NEFH: variants seen among roughly 807,000 people sequenced by gnomAD.
NEFH encodes neurofilament heavy polypeptide.
In NEFH, 58 loss-of-function variants were observed where a neutral mutation model predicts 56.6. That is an observed-to-expected ratio of 1.03 (90% confidence interval 0.83 to 1.28). NEFH has a LOEUF of 1.28. Ranked by LOEUF, NEFH falls within the 50% of genes most tolerant of loss-of-function variation. NEFH has a pLI of 0.00. For missense variants in NEFH, 1,221 were observed against 1,307.6 expected (o/e 0.93, Z 1.02); for synonymous variants, 542 against 545.8 (o/e 0.99, Z 0.10).
rs758456135 is a variant in NEFH at position 29,485,828 on chromosome 22, A to G, written c.1189A>G (p.Ile397Val). ...DLLNVKMALD[I>V]EIAAYRKLLE... is the part of the protein sequence containing the mutation. ...GCTCAATGTCAAGATGGCTCTGGAT[A>G]TAGAGATAGCCGCTTACAGGTGAGA... Residue 397 changes from isoleucine to valine, a missense_variant, in exon 3 of 4, where the codon ATA becomes GTA. This residue lies in a region of NEFH where 243 missense variants were observed against 299.1 expected (regional missense o/e 0.81). Transcript: ENST00000310624. 2 of 1,614,212 alleles carry G rather than the reference A, an allele frequency of 1.2e-6. No individual in the cohort carries two copies. Among genetic ancestry groups the G allele is most frequent in the Non-Finnish European group, 1.7e-6 (2 of 1,180,010 alleles).
Position 29,481,129 on chromosome 22 carries a change from C to A in NEFH, c.867C>A (p.Ser289=). 6.5e-7 allele frequency: 1 copy of A among 1,529,660 alleles called. No individual in the cohort carries two copies. The highest frequency in any genetic ancestry group is 8.7e-7 in the Non-Finnish European group (1 of 1,144,948). The allele number at this position is 1,529,660 out of a possible 1,614,324, so 94.8% of individuals were successfully genotyped here. A position where few individuals can be genotyped will look rare whatever the true frequency, so the allele number is the denominator to read the frequency against. Reference sequence around the variant, plus strand: ...ACGCGGTGCAGAGCACGCTGCAGTCCGAGGAGTGGTTCCGAGGTACGCAGG... The same window carrying A: ...ACGCGGTGCAGAGCACGCTGCAGTCAGAGGAGTGGTTCCGAGGTACGCAGG... ...EGHAVQSTLQ[S]EEWFRVRLDR... is the part of the protein sequence containing the mutation. Residue 289 remains serine (S), a synonymous_variant, in exon 1 of 4, where the codon TCC becomes TCA. Coordinates refer to ENST00000310624, the MANE Select transcript of NEFH (RefSeq NM_021076.4).
At chr22:29,486,926 G>C (rs1486110150) in intron 3 of NEFH, among the ~76,000 whole-genome samples, 1 of 152,186 alleles carries the variant, frequency 6.6e-6, no homozygotes, top group Non-Finnish European at 1.5e-5. Flanking sequence ...GCTTTGAAGG[G>C]AAAAGAGGTG....
At chr22:29,484,121 A>T (rs1363948549) in intron 2 of NEFH, among the ~76,000 whole-genome samples, 1 of 152,070 alleles carries the variant, frequency 6.6e-6, no homozygotes, top group Admixed American at 6.6e-5. Flanking sequence ...AAGTGCTGGG[A>T]TTACAGGTGT....
Position 29,490,192 on chromosome 22 carries a change from C to T in NEFH, c.2552C>T (p.Pro851Leu), listed in dbSNP as rs778525090. The T allele has an allele frequency of 6.2e-7, 1 of 1,611,442 alleles. No individual in the cohort carries two copies. The highest frequency in any genetic ancestry group is 8.5e-7 in the Non-Finnish European group (1 of 1,178,820). Reference protein sequence around the residue: ...KAEEEKAPATPKTEEKKDSKK... With the variant: ...KAEEEKAPATLKTEEKKDSKK... The stretch of plus-strand genomic sequence containing the variant: ...GAGGAAGAGAAAGCCCCTGCCACAC[C>T]AAAAACAGAGGAGAAGAAGGACAGC... Residue 851 changes from proline to leucine, a missense_variant, in exon 4 of 4, where the codon CCA becomes CTA. Around this residue, in one of 4 missense-constraint regions of NEFH, gnomAD observed 301 missense variants for 346.6 expected, o/e 0.87. Coordinates refer to ENST00000310624, the MANE Select transcript of NEFH (RefSeq NM_021076.4).
chr22:29,480,373 G>C lies in NEFH; in HGVS notation c.111G>C (p.Thr37=). The C allele has an allele frequency of 6.5e-7, 1 of 1,536,292 alleles. No homozygotes were observed. The highest frequency in any genetic ancestry group is 8.7e-7 in the Non-Finnish European group (1 of 1,148,446). The part of the protein sequence containing the change: ...ALARKGGAGG[T]RSAAGSSSGF... ...CCCGAAAGGGTGGCGCAGGCGGGAC[G>C]CGCTCCGCCGCTGGCTCCTCCAGCG... The change falls in exon 1 of 4, where the codon ACG becomes ACC. Residue 37 remains threonine (T), a synonymous_variant. Coordinates refer to ENST00000310624, the MANE Select transcript of NEFH (RefSeq NM_021076.4).
In NEFH at chr22:29,483,455, C is replaced by T. The variant is rs778265423; in HGVS notation, c.964C>T (p.Arg322Trp). The T allele has an allele frequency of 2.1e-5, 34 of 1,613,888 alleles. No individual in the cohort carries two copies. Among genetic ancestry groups the T allele is most frequent in the Admixed American group, 1.2e-4 (7 of 60,004 alleles). Reference sequence around the variant, plus strand: ...AGCGCAGGAGGAGATAACTGAGTACCGGCGTCAGCTGCAGGCCAGGACCAC... The same window carrying T: ...AGCGCAGGAGGAGATAACTGAGTACTGGCGTCAGCTGCAGGCCAGGACCAC... ...RSAQEEITEY[R>W]RQLQARTTEL... Residue 322 changes from arginine (R) to tryptophan (W), a missense_variant, in exon 2 of 4, where the codon CGG becomes TGG. Transcript: ENST00000310624.
In NEFH at chr22:29,490,697, G is replaced by T; in HGVS notation, c.3057G>T (p.Gly1019=). Residue 1019 remains glycine, a synonymous_variant, in exon 4 of 4, where the codon GGG becomes GGT. Transcript: ENST00000310624. ...EKATEDKAAK[G]K is the part of the protein sequence containing the mutation. ...CCACAGAAGACAAGGCCGCCAAGGGGAAGTAAGGCAGGGAGAAAGGAACAT... is the reference window on the plus strand; with the variant it reads ...CCACAGAAGACAAGGCCGCCAAGGGTAAGTAAGGCAGGGAGAAAGGAACAT... The T allele has an allele frequency of 1.2e-6, 2 of 1,614,132 alleles. No homozygotes were observed. Among genetic ancestry groups the T allele is most frequent in the Non-Finnish European group, 1.7e-6 (2 of 1,180,044 alleles).
chr22:29,482,580 G>A (rs1168189515), intron 1 of NEFH, among the ~76,000 whole-genome samples: 1 of 152,204 alleles, frequency 6.6e-6, no homozygotes, highest in African/African-American at 2.4e-5. Flanking sequence ...AAACCTGTAA[G>A]GAAGGGACCA....
rs778369534 is a variant in NEFH, at chr22:29,489,979, A to G, written c.2339A>G (p.Lys780Arg). ...GAGGAAGCAAGGTCCCCTGCAGACA[A>G]ATTCCCTGAAAAGGCCAAAAGCCCT... ...AKEEARSPAD[K>R]FPEKAKSPVK... The change falls in exon 4 of 4, where the codon AAA becomes AGA. Residue 780 changes from lysine to arginine, a missense_variant. Lys to Arg is a conservative substitution (Grantham distance 26, BLOSUM62 2). Coordinates refer to ENST00000310624, the MANE Select transcript of NEFH (RefSeq NM_021076.4). 14 of 1,613,664 alleles carry G rather than the reference A, an allele frequency of 8.7e-6. No individual in the cohort carries two copies. The highest frequency in any genetic ancestry group is 1.3e-5 in the African/African-American group (1 of 74,756).
rs935124849 is a variant in NEFH, at chr22:29,485,745, C to T, written c.1106C>T (p.Ala369Val). The change falls in exon 3 of 4, where the codon GCT becomes GTT. Residue 369 changes from alanine (A) to valine (V), a missense_variant. By Grantham distance (64) the Ala-to-Val change is moderately conservative. Coordinates refer to ENST00000310624, the MANE Select transcript of NEFH (RefSeq NM_021076.4). Reference sequence around the variant, plus strand: ...CAGGAAGCCATTCAGCAGCTGGACGCTGAGCTGAGGAACACCAAGTGGGAG... The same window carrying T: ...CAGGAAGCCATTCAGCAGCTGGACGTTGAGCTGAGGAACACCAAGTGGGAG... ...SYQEAIQQLD[A>V]ELRNTKWEMA... The T allele has an allele frequency of 6.2e-7, 1 of 1,614,188 alleles. No homozygotes were observed. The highest frequency in any genetic ancestry group is 8.5e-7 in the Non-Finnish European group (1 of 1,180,028).
rs753262659 is a variant in NEFH, at chr22:29,483,443, A to G, written c.952A>G (p.Ile318Val). The G allele has an allele frequency of 1.2e-6, 2 of 1,614,028 alleles. No homozygotes were observed. Among genetic ancestry groups the G allele is most frequent in the Non-Finnish European group, 1.7e-6 (2 of 1,180,022 alleles). Reference sequence around the variant, plus strand: ...CGCTATGCGCTCAGCGCAGGAGGAGATAACTGAGTACCGGCGTCAGCTGCA... The same window carrying G: ...CGCTATGCGCTCAGCGCAGGAGGAGGTAACTGAGTACCGGCGTCAGCTGCA... The part of the protein sequence containing the change: ...TDAMRSAQEE[I>V]TEYRRQLQAR... The change falls in exon 2 of 4, where the codon ATA becomes GTA. Residue 318 changes from isoleucine (I) to valine (V), a missense_variant. Coordinates refer to ENST00000310624, the MANE Select transcript of NEFH (RefSeq NM_021076.4).
rs1298212450 is a variant in NEFH at position 29,488,862 on chromosome 22, G to A, written c.1222G>A (p.Gly408Ser). 1 of 1,614,122 alleles carries A rather than the reference G, an allele frequency of 6.2e-7. No individual in the cohort carries two copies. Among genetic ancestry groups the A allele is most frequent in the African/African-American group, 1.3e-5 (1 of 74,934 alleles). ...TCCATCCTGCAGAAAACTCCTGGAAGGTGAAGAGTGTCGGATTGGCTTTGG... is the reference window on the plus strand; with the variant it reads ...TCCATCCTGCAGAAAACTCCTGGAAAGTGAAGAGTGTCGGATTGGCTTTGG... ...EIAAYRKLLE[G>S]EECRIGFGPI... The change falls in exon 4 of 4, where the codon GGT (glycine) becomes AGT (serine). Residue 408 changes from glycine to serine, a missense_variant. Around this residue, in one of 4 missense-constraint regions of NEFH, gnomAD observed 243 missense variants for 299.1 expected, o/e 0.81. Transcript: ENST00000310624.
Position 29,490,821 on chromosome 22 carries a change from G to A in NEFH, c.*118G>A. ...TCTTTATGTAAGAAGAAACTGCTTA[G>A]ATGACGGGGCCTCCTTCTTCAAACA... On this transcript the variant is annotated 3_prime_UTR_variant, in exon 4 of 4. Coordinates refer to ENST00000310624, the MANE Select transcript of NEFH (RefSeq NM_021076.4). 6.5e-7 allele frequency: 1 copy of A among 1,532,974 alleles called. No homozygotes were observed. The allele number at this position is 1,532,974 out of a possible 1,614,324, so 95.0% of individuals were successfully genotyped here. A position where few individuals can be genotyped will look rare whatever the true frequency, so the allele number is the denominator to read the frequency against.
rs997535105 is a variant in NEFH at position 29,480,660 on chromosome 22, G to A, written c.398G>A (p.Arg133Gln). ...RSLEGEAAAL[R>Q]QQQAGRSAMG... ...CTGGAGGGCGAGGCTGCGGCGCTGCGGCAGCAGCAGGCGGGCCGCTCCGCT... is the reference window on the plus strand; with the variant it reads ...CTGGAGGGCGAGGCTGCGGCGCTGCAGCAGCAGCAGGCGGGCCGCTCCGCT... The change falls in exon 1 of 4, where the codon CGG becomes CAG. Residue 133 changes from arginine to glutamine, a missense_variant. Around this residue, in one of 4 missense-constraint regions of NEFH, gnomAD observed 640 missense variants for 555.5 expected, o/e 1.15. Coordinates refer to ENST00000310624, the MANE Select transcript of NEFH (RefSeq NM_021076.4). The A allele has an allele frequency of 6.4e-6, 10 of 1,550,800 alleles. No homozygotes were observed. The highest frequency in any genetic ancestry group is 3.8e-5 in the Admixed American group (2 of 52,526).
Position 29,489,128 on chromosome 22 carries a change from G to A in NEFH, c.1488G>A (p.Gly496=), listed in dbSNP as rs749645459. 6.2e-7 allele frequency: 1 copy of A among 1,613,380 alleles called. No individual in the cohort carries two copies. Among genetic ancestry groups the A allele is most frequent in the Non-Finnish European group, 8.5e-7 (1 of 1,179,744 alleles). The change falls in exon 4 of 4, where the codon GGG becomes GGA. Residue 496 remains glycine, a synonymous_variant. Coordinates refer to ENST00000310624, the MANE Select transcript of NEFH (RefSeq NM_021076.4). ...GGGGTGAAGAAGAGGAGGCAGAAGGGGGAGAAGAAGAAACAAAGTCTCCCC... is the reference window on the plus strand; with the variant it reads ...GGGGTGAAGAAGAGGAGGCAGAAGGAGGAGAAGAAGAAACAAAGTCTCCCC... The part of the protein sequence containing the change: ...EEGGEEEEAE[G]GEEETKSPPA...
Position 29,490,271 on chromosome 22 carries a change from G to A in NEFH, c.2631G>A (p.Lys877=), listed in dbSNP as rs1406400000. The change falls in exon 4 of 4, where the codon AAG becomes AAA. Residue 877 remains lysine, a synonymous_variant. Transcript: ENST00000310624. ...CTCCAAAGCCCAAGGTGGAGGAGAA[G>A]AAGGAACCTGCTGTCGAAAAGCCCA... is the stretch of plus-strand genomic sequence containing the variant. The part of the protein sequence containing the change: ...KEAPKPKVEE[K]KEPAVEKPKE... The A allele has an allele frequency of 2.5e-6, 4 of 1,612,296 alleles. No homozygotes were observed. The highest frequency in any genetic ancestry group is 3.4e-6 in the Non-Finnish European group (4 of 1,179,238).
At chr22:29,481,190 C>T (rs2063007094) in intron 1 of NEFH, 45 bp downstream of exon 1, 1 of 1,523,394 alleles carries the variant, frequency 6.6e-7, no homozygotes, top group South Asian at 1.2e-5. Flanking sequence ...CTGCTGACCC[C>T]GCAGCGAACT....
intron 2 of NEFH, among the ~76,000 whole-genome samples, chr22:29,485,135 CTA>C (rs2146395979): frequency 6.6e-6 from 1 of 152,252 alleles, no homozygotes; most frequent in Admixed American, 6.5e-5. Context: ...CAGAGTCTCG[CTA>C]TGTCTCCCAG....
At position 29,481,101 on chromosome 22, in the gene NEFH, G is replaced by A. The variant is rs1317457949; in HGVS notation, c.839G>A (p.Gly280Asp). The change falls in exon 1 of 4, where the codon GGC becomes GAC. Residue 280 changes from glycine (G) to aspartate (D), a missense_variant. Physicochemically the swap from Gly to Asp is moderately conservative, Grantham distance 94 (BLOSUM62 -1). Around this residue, in one of 4 missense-constraint regions of NEFH, gnomAD observed 640 missense variants for 555.5 expected, o/e 1.15. Transcript: ENST00000310624. ...CGCGAGATTCGCGCGCAGCTTGAAG[G>A]CCACGCGGTGCAGAGCACGCTGCAG... ...ALREIRAQLEGHAVQSTLQSE... is the reference protein window; with the variant it reads ...ALREIRAQLEDHAVQSTLQSE... 8 of 1,532,182 alleles carry A rather than the reference G, an allele frequency of 5.2e-6. No individual in the cohort carries two copies. Among genetic ancestry groups the A allele is most frequent in the Non-Finnish European group, 4.4e-6 (5 of 1,145,932 alleles). The allele number at this position is 1,532,182 out of a possible 1,614,324, so 94.9% of individuals were successfully genotyped here.
Sources: gnomAD v4.1 joint callset for allele counts (sites outside exome capture counted in the v4.1 genomes callset) on GRCh38, gnomAD v4.1.1 for gene constraint, gnomAD v4.1.1 regional missense constraint, MANE v1.5 for transcripts, NCBI Gene and HGNC (gene_info 2026-07-23, HGNC 2026-07-21) for gene names.